Variants in SATB2 observed in about 807,000 individuals in gnomAD.
SATB2 encodes the protein SATB homeobox 2.
A neutral mutation model predicts 73.4 loss-of-function variants in SATB2; 1 was observed. The ratio of observed to expected loss-of-function variants is 0.01; its 90% CI spans 0.00 to 0.06. The LOEUF is 0.06. SATB2 is among the 10% of genes least tolerant of loss of function. The probability of loss-of-function intolerance (pLI) is 1.00; values close to 1 mark genes in which losing one functional copy is unlikely to be tolerated. For synonymous variants in SATB2, 397 were observed against 367.0 expected (o/e 1.08, Z -0.93); for missense variants, 459 against 945.8 (o/e 0.49, Z 6.75).
rs1687930304 is a variant in SATB2 at position 199,322,953 on chromosome 2, ACT to A, written c.1542+848_1542+849del. Among the ~76,000 whole-genome samples the A allele has an allele frequency of 5.9e-5, 9 of 152,068 alleles. No homozygotes were observed. In the South Asian group the frequency reaches 1.9e-3, roughly 32 times the overall value. ...AGGAAATCAAGCTCAGAATCAAAGGACTCTCAAAATTATGCTTTAACTAACTT... is the reference window on the plus strand; with the variant it reads ...AGGAAATCAAGCTCAGAATCAAAGGACTCAAAATTATGCTTTAACTAACTT... On this transcript the variant is annotated intron_variant, in intron 9 of 10. Coordinates refer to ENST00000417098, the MANE Select transcript of SATB2 (RefSeq NM_001172509.2).
At position 199,457,668 on chromosome 2, in the gene SATB2, G is replaced by A. The variant is rs1692328880; in HGVS notation, c.-389C>T. The stretch of plus-strand genomic sequence containing the variant: ...GGGGGAAGAGAAGGAGGCTGAAAGA[G>A]CCTTTTCACACCTTCGGGAAGGAGA... On this transcript the variant is annotated 5_prime_UTR_variant, in exon 1 of 11. Coordinates refer to ENST00000417098, the MANE Select transcript of SATB2 (RefSeq NM_001172509.2). This position sits in a 1 kb window ranked among gnomAD's most constrained non-coding sequence, Gnocchi z 4.8. 6.5e-6 allele frequency: 1 copy of A among 153,866 alleles called. No homozygotes were observed. The allele number at this position is 153,866 out of a possible 1,614,324, so 9.5% of individuals were successfully genotyped here.
chr2:199,373,849 C>A (rs1303942381), intron 5 of SATB2, among the ~76,000 whole-genome samples: 1 of 152,180 alleles, frequency 6.6e-6, no homozygotes, highest in Non-Finnish European at 1.5e-5. Flanking sequence ...AGACAGTTGG[C>A]AACTGGTTAA....
intron 3 of SATB2, among the ~76,000 whole-genome samples, chr2:199,428,321 CTATA>C (rs780053510): frequency 6.6e-6 from 1 of 152,100 alleles, no homozygotes; most frequent in Admixed American, 6.5e-5. Context: ...AAAAAAGTAT[CTATA>C]TATTTCATCA....
At chr2:199,379,254 C>T (rs1359603867) in intron 5 of SATB2, among the ~76,000 whole-genome samples, 1 of 152,194 alleles carries the variant, frequency 6.6e-6, no homozygotes, top group Non-Finnish European at 1.5e-5. Flanking sequence ...CTCTCAATCT[C>T]ATTTTCATGG....
At chr2:199,276,108 T>C (rs1280065366) in intron 10 of SATB2, among the ~76,000 whole-genome samples, 1 of 152,180 alleles carries the variant, frequency 6.6e-6, no homozygotes, top group Non-Finnish European at 1.5e-5. Flanking sequence ...CCTAATACCA[T>C]GTAGTACTTT....
intron 10 of SATB2, among the ~76,000 whole-genome samples, chr2:199,288,244 A>G (rs1020074705): frequency 1.3e-5 from 2 of 152,184 alleles, no homozygotes; most frequent in Non-Finnish European, 2.9e-5. Flanking sequence ...GCAGATACCC[A>G]GTTTCATCAA....
chr2:199,391,432 C>CAAAAAA (rs56190034), intron 3 of SATB2, among the ~76,000 whole-genome samples: 8 of 98,640 alleles, frequency 8.1e-5, no homozygotes, highest in African/African-American at 2.4e-4. Flanking sequence ...GACTCCGTCT[C>CAAAAAA]AAAAAAAAAA....
intron 7 of SATB2, among the ~76,000 whole-genome samples, chr2:199,334,176 T>C (rs558776116): frequency 6.6e-6 from 1 of 152,180 alleles, no homozygotes; most frequent in Non-Finnish European, 1.5e-5. Context: ...ACAGCTTAGA[T>C]GTACTTCTGA....
Position 199,327,937 on chromosome 2 carries a change from G to C in SATB2, c.1386+761C>G, listed in dbSNP as rs1203541950. Among the ~76,000 whole-genome samples, 4 of 152,182 alleles carry C rather than the reference G, an allele frequency of 2.6e-5. No homozygotes were observed. The East Asian group carries it at 7.7e-4, about 29-fold the overall frequency. ...TCTTTTTCAGATTACATAAAACAGA[G>C]CTTCAACTACCCTCTGCCCCCTGCC... is the stretch of plus-strand genomic sequence containing the variant. On this transcript the variant is annotated intron_variant, in intron 8 of 10. Transcript: ENST00000417098.
At chr2:199,369,196 T>C (rs1028759616) in intron 5 of SATB2, among the ~76,000 whole-genome samples, 7 of 152,220 alleles carry the variant, frequency 4.6e-5, no homozygotes, top group Non-Finnish European at 1.0e-4. Context: ...TTAGAACTTG[T>C]GTGAAAATTC....
intron 9 of SATB2, among the ~76,000 whole-genome samples, chr2:199,311,511 A>G (rs1339239578): frequency 6.6e-6 from 1 of 152,146 alleles, no homozygotes; most frequent in Non-Finnish European, 1.5e-5. Flanking sequence ...TACAGAGCAG[A>G]AAGATTGTCA....
chr2:199,340,928 G>A (rs1375858302), intron 7 of SATB2, among the ~76,000 whole-genome samples: 2 of 151,720 alleles, frequency 1.3e-5, no homozygotes, highest in Non-Finnish European at 1.5e-5. Context: ...CTGAACATAC[G>A]AATATGTAGG....
intron 7 of SATB2, among the ~76,000 whole-genome samples, chr2:199,330,758 G>A (rs1007166818): frequency 6.6e-6 from 1 of 152,130 alleles, no homozygotes. Context: ...AAATGAATAT[G>A]CAGAGAAGCA....
intron 3 of SATB2, among the ~76,000 whole-genome samples, chr2:199,426,722 GA>G (rs1214542009): frequency 7.2e-6 from 1 of 139,844 alleles, no homozygotes; most frequent in Non-Finnish European, 1.5e-5. Context: ...GAAAAGAAAA[GA>G]AAAAGAAAGA....
chr2:199,371,489 C>A (rs2105853695), intron 5 of SATB2, among the ~76,000 whole-genome samples: 1 of 152,050 alleles, frequency 6.6e-6, no homozygotes, highest in East Asian at 1.9e-4. Context: ...TTTTATACTT[C>A]AACATCACTG....
chr2:199,318,996 G>A (rs1382865759), intron 9 of SATB2, among the ~76,000 whole-genome samples: 13 of 150,192 alleles, frequency 8.7e-5, no homozygotes, highest in Non-Finnish European at 1.6e-4. Flanking sequence ...TTGAGAACTT[G>A]AAACTTTTTT....
intron 2 of SATB2, among the ~76,000 whole-genome samples, chr2:199,441,683 A>G (rs995816617): frequency 1.3e-5 from 2 of 152,186 alleles, no homozygotes; most frequent in Non-Finnish European, 2.9e-5. Flanking sequence ...AACTGGGCCT[A>G]AAGTGGTAGG....
intron 2 of SATB2, among the ~76,000 whole-genome samples, chr2:199,450,064 G>A (rs1429592277): frequency 6.6e-6 from 1 of 152,072 alleles, no homozygotes; most frequent in Admixed American, 6.6e-5. Context: ...ACATTTCACT[G>A]CTGTTCTTAT....
At chr2:199,284,855 A>G (rs573200983) in intron 10 of SATB2, among the ~76,000 whole-genome samples, 1 of 152,254 alleles carries the variant, frequency 6.6e-6, no homozygotes, top group African/African-American at 2.4e-5. Context: ...TCCCCAAACA[A>G]TATAGTATAA....
Sources: allele counts gnomAD v4.1 joint callset (sites outside exome capture counted in the v4.1 genomes callset), GRCh38; gene constraint gnomAD v4.1.1; non-coding constraint Gnocchi (gnomAD v3.1); transcripts MANE v1.5; gene names NCBI Gene and HGNC (gene_info 2026-07-23, HGNC 2026-07-21).